Variants in CDKN2B-AS1 observed in about 807,000 individuals in gnomAD.
The protein encoded by CDKN2B-AS1 is CDKN2B and CDKN2A antisense cis and trans regulatory RNA 1.
Position 22,006,346 on chromosome 9 carries a change from T to G in CDKN2B-AS1, n.29+11185T>G. The G allele has an allele frequency of 6.6e-7, 1 of 1,510,760 alleles. No homozygotes were observed. The highest frequency in any genetic ancestry group is 9.0e-7 in the Non-Finnish European group (1 of 1,116,592). 93.6% of individuals were successfully genotyped at this position (1,510,760 alleles called of 1,614,324 possible). ...TGGAGCCATTTAAAGAAACACCTAATTGCAAAGTTTTCACCCAGTGCAGAG... is the reference window on the plus strand; with the variant it reads ...TGGAGCCATTTAAAGAAACACCTAAGTGCAAAGTTTTCACCCAGTGCAGAG... On this transcript the variant is annotated intron_variant and non_coding_transcript_variant, in intron 1 of 4. Coordinates refer to ENST00000650946, the Ensembl canonical transcript of CDKN2B-AS1. The surrounding 1 kb of genome is among the most constrained non-coding windows in gnomAD (Gnocchi z 6.4).
At chr9:22,101,312 A>G (rs1825475673) in intron 4 of CDKN2B-AS1, among the ~76,000 whole-genome samples, 1 of 152,206 alleles carries the variant, frequency 6.6e-6, no homozygotes, top group African/African-American at 2.4e-5. Flanking sequence ...CCATAAGCAG[A>G]CTGAAAAAGT....
At chr9:22,049,010 C>A (rs546822933) in intron 2 of CDKN2B-AS1, 10 of 152,274 alleles carry the variant, frequency 6.6e-5, no homozygotes, top group Admixed American at 6.5e-4. Flanking sequence ...CTATTAGTAT[C>A]AATCTTAATT....
At chr9:22,020,557 TTAA>T (rs1171735028) in intron 1 of CDKN2B-AS1, among the ~76,000 whole-genome samples, 1 of 152,190 alleles carries the variant, frequency 6.6e-6, no homozygotes, top group African/African-American at 2.4e-5. Flanking sequence ...TTTTGACTTT[TTAA>T]TAATAGCCAT....
intron 1 of CDKN2B-AS1, among the ~76,000 whole-genome samples, chr9:22,036,958 T>C (rs1187064087): frequency 6.6e-6 from 1 of 152,214 alleles, no homozygotes; most frequent in South Asian, 2.1e-4. Context: ...TTCCACACCC[T>C]GACATCAATG....
In CDKN2B-AS1 at chr9:22,046,157, A is replaced by G. The variant is rs548086623; in HGVS notation, n.30-594A>G. On this transcript the variant is annotated intron_variant and non_coding_transcript_variant, in intron 1 of 4. Transcript: ENST00000650946. The stretch of plus-strand genomic sequence containing the variant: ...TACCTCAAAGTACTGTAATTTGTCT[A>G]CTTCACAAAGTGGAGGACTATATCT... Among the ~76,000 whole-genome samples the G allele has an allele frequency of 1.9e-4, 29 of 152,196 alleles. No homozygotes were observed. In the South Asian group the frequency reaches 5.6e-3, roughly 29 times the overall value.
rs539947703 is a variant in CDKN2B-AS1, at chr9:22,057,452, C to G, written n.438+1065C>G. On this transcript the variant is annotated intron_variant and non_coding_transcript_variant, in intron 4 of 4. Transcript: ENST00000650946. ...CAAAGAATAAAGGTAGATGCAGCATCTAGTCAAAAGGATATTTCTGCTGGC... is the reference window on the plus strand; with the variant it reads ...CAAAGAATAAAGGTAGATGCAGCATGTAGTCAAAAGGATATTTCTGCTGGC... Among the ~76,000 whole-genome samples the G allele has an allele frequency of 9.9e-5, 15 of 152,204 alleles. No individual in the cohort carries two copies. The East Asian group carries it at 2.9e-3, about 29-fold the overall frequency.
At chr9:22,040,184 C>T (rs948220157) in intron 1 of CDKN2B-AS1, among the ~76,000 whole-genome samples, 4 of 151,912 alleles carry the variant, frequency 2.6e-5, no homozygotes, top group Admixed American at 6.6e-5. Context: ...CAGTCCTAGC[C>T]GACTAACACA....
chr9:22,101,271 CTT>C (rs200405832), intron 4 of CDKN2B-AS1, among the ~76,000 whole-genome samples: 7,276 of 152,220 alleles, frequency 0.048, 186 homozygotes, highest in Non-Finnish European at 0.056. Flanking sequence ...CTGTGTATTA[CTT>C]TCAATGCTCA....
At position 22,039,800 on chromosome 9, in the gene CDKN2B-AS1, G is replaced by A. The variant is rs963324458; in HGVS notation, n.30-6951G>A. On this transcript the variant is annotated intron_variant and non_coding_transcript_variant, in intron 1 of 4. Transcript: ENST00000650946. The surrounding 1 kb of genome is among the most constrained non-coding windows in gnomAD (Gnocchi z 4.4). The stretch of plus-strand genomic sequence containing the variant: ...GTTATGGGCTGAATTGTGTTCCCCC[G>A]AAATGACTATGCTGAAGTCCTAACT... 1.3e-5 allele frequency among the ~76,000 whole-genome samples: 2 copies of A among 151,826 alleles called. No homozygotes were observed. Among genetic ancestry groups the A allele is most frequent in the South Asian group, 4.2e-4 (2 of 4,814 alleles).
intron 4 of CDKN2B-AS1, among the ~76,000 whole-genome samples, chr9:22,085,376 C>A (rs1204221827): frequency 6.6e-6 from 1 of 152,270 alleles, no homozygotes; most frequent in East Asian, 1.9e-4. Flanking sequence ...ATCCCAAGGA[C>A]CTAGCCACAC....
At chr9:22,055,218 G>A (rs985034041) in intron 3 of CDKN2B-AS1, among the ~76,000 whole-genome samples, 1 of 152,052 alleles carries the variant, frequency 6.6e-6, no homozygotes, top group Non-Finnish European at 1.5e-5. Context: ...ATTGTGAAAT[G>A]GTTAAATCAA....
At chr9:22,020,681 T>C (rs761756901) in intron 1 of CDKN2B-AS1, among the ~76,000 whole-genome samples, 4 of 152,370 alleles carry the variant, frequency 2.6e-5, no homozygotes, top group African/African-American at 4.8e-5. Context: ...ATGTCTTCTT[T>C]TGAACAGTGT....
intron 4 of CDKN2B-AS1, among the ~76,000 whole-genome samples, chr9:22,077,073 T>G (rs1464966072): frequency 1.3e-5 from 2 of 152,178 alleles, no homozygotes; most frequent in Non-Finnish European, 2.9e-5. Flanking sequence ...TTTGTATCCT[T>G]TGAGGTACAT....
intron 4 of CDKN2B-AS1, among the ~76,000 whole-genome samples, chr9:22,067,883 C>A (rs528082455): frequency 7.9e-5 from 12 of 152,266 alleles, no homozygotes; most frequent in Non-Finnish European, 1.8e-4. Flanking sequence ...TAAAAGCTTT[C>A]CAAATTTGCC....
At chr9:22,064,403 G>T (rs1823951635) in intron 4 of CDKN2B-AS1, among the ~76,000 whole-genome samples, 2 of 152,156 alleles carry the variant, frequency 1.3e-5, no homozygotes, top group African/African-American at 2.4e-5. Flanking sequence ...GCTTATTGGG[G>T]ATGGGGTCTT....
intron 4 of CDKN2B-AS1, among the ~76,000 whole-genome samples, chr9:22,116,230 CTGTT>C (rs1825946758): frequency 6.6e-6 from 1 of 152,174 alleles, no homozygotes; most frequent in African/African-American, 2.4e-5. Flanking sequence ...ATATGTATAT[CTGTT>C]TGATATACTC....
At chr9:22,120,988 T>C (rs1377479415) in intron 4 of CDKN2B-AS1, 4 of 152,174 alleles carry the variant, frequency 2.6e-5, no homozygotes, top group Admixed American at 2.6e-4. Context: ...GCACCGCTGG[T>C]AATTGGCTGG....
intron 1 of CDKN2B-AS1, chr9:22,012,651 G>T: frequency 2.8e-6 from 1 of 360,260 alleles, no homozygotes; most frequent in Non-Finnish European, 5.3e-6. Context: ...AGAACTGGTT[G>T]ACTGGCCAAG....
At chr9:22,071,621 A>G (rs1025903661) in intron 4 of CDKN2B-AS1, among the ~76,000 whole-genome samples, 1 of 152,098 alleles carries the variant, frequency 6.6e-6, no homozygotes, top group African/African-American at 2.4e-5. Context: ...TATTCATTGG[A>G]TATGAGTATC....
Sources: allele counts gnomAD v4.1 joint callset (sites outside exome capture counted in the v4.1 genomes callset), GRCh38; gene constraint gnomAD v4.1.1; non-coding constraint Gnocchi (gnomAD v3.1); transcripts MANE v1.5; gene names NCBI Gene and HGNC (gene_info 2026-07-23, HGNC 2026-07-21).